The following NXPE3 variants were observed in gnomAD, a reference collection of about 807,000 sequenced individuals.
The protein encoded by NXPE3 is NXPE family member 3.
A neutral mutation model predicts 46.1 loss-of-function variants in NXPE3; 26 were observed. The ratio of observed to expected loss-of-function variants is 0.56; its 90% CI spans 0.41 to 0.78. NXPE3 has a LOEUF of 0.78. Ranked by LOEUF, NXPE3 falls within the 30% of genes least tolerant of loss-of-function variation. The probability of loss-of-function intolerance (pLI) is 0.00; values close to 1 mark genes in which losing one functional copy is unlikely to be tolerated. For synonymous variants in NXPE3, 272 were observed against 257.9 expected (o/e 1.05, Z -0.52); for missense variants, 620 against 686.0 (o/e 0.90, Z 1.07).
chr3:101,812,836 A>AGG (rs1275536538), intron 6 of NXPE3, among the ~76,000 whole-genome samples: 1 of 136,688 alleles, frequency 7.3e-6, no homozygotes, highest in Non-Finnish European at 1.7e-5. Context: ...AAAAAAAAAA[A>AGG]AAAAAAGATA....
At chr3:101,782,388 T>A (rs1346743241) in intron 2 of NXPE3, 98 bp downstream of exon 2, 1 of 152,204 alleles carries the variant, frequency 6.6e-6, no homozygotes, top group Non-Finnish European at 1.5e-5. Context: ...CTTACTTGAT[T>A]TTAAGGCTCC....
rs1379578755 is a variant in NXPE3 at position 101,822,057 on chromosome 3, T to C, written c.*103T>C. 25 of 1,033,160 alleles carry C rather than the reference T, an allele frequency of 2.4e-5. No individual in the cohort carries two copies. Among genetic ancestry groups the C allele is most frequent in the Non-Finnish European group, 3.4e-5 (24 of 707,210 alleles). The allele number at this position is 1,033,160 out of a possible 1,614,324, so 64.0% of individuals were successfully genotyped here. A position where few individuals can be genotyped will look rare whatever the true frequency, so the allele number is the denominator to read the frequency against. On this transcript the variant is annotated 3_prime_UTR_variant, in exon 8 of 8. Transcript: ENST00000273347. ...GAGAGATGACTGCCCTTAATAAGTA[T>C]AAAATTTCAAAAAGATCTGGACTTA... is the stretch of plus-strand genomic sequence containing the variant.
At chr3:101,813,853 C>T (rs1941837206) in intron 6 of NXPE3, among the ~76,000 whole-genome samples, 1 of 152,180 alleles carries the variant, frequency 6.6e-6, no homozygotes, top group Non-Finnish European at 1.5e-5. Context: ...TAAACAGCCA[C>T]AGACTTCTTA....
At chr3:101,814,972 A>G (rs1413653849) in intron 6 of NXPE3, among the ~76,000 whole-genome samples, 1 of 152,186 alleles carries the variant, frequency 6.6e-6, no homozygotes, top group Non-Finnish European at 1.5e-5. Flanking sequence ...AGGTAGGGAT[A>G]GTGATAGGAC....
rs983065439 is a variant in NXPE3, at chr3:101,824,847, G to C, written c.*2893G>C. ...GAATTTTAAAAAGAAAGCGGGCATT[G>C]CTCCTCCAGTGGTTTGGAATGATGC... is the stretch of plus-strand genomic sequence containing the variant. On this transcript the variant is annotated 3_prime_UTR_variant, in exon 8 of 8. Transcript: ENST00000273347. 1 of 152,146 alleles carries C rather than the reference G, an allele frequency of 6.6e-6. No homozygotes were observed. The highest frequency in any genetic ancestry group is 2.1e-4 in the South Asian group (1 of 4,826). The allele number at this position is 152,146 out of a possible 1,614,324, so 9.4% of individuals were successfully genotyped here. A position where few individuals can be genotyped will look rare whatever the true frequency, so the allele number is the denominator to read the frequency against.
intron 6 of NXPE3, among the ~76,000 whole-genome samples, chr3:101,814,873 T>G (rs901347197): frequency 6.6e-6 from 1 of 152,218 alleles, no homozygotes; most frequent in Admixed American, 6.5e-5. Context: ...GATCATGGGC[T>G]TTGGGCTCAC....
At position 101,823,400 on chromosome 3, in the gene NXPE3, T is replaced by C. The variant is rs1055386546; in HGVS notation, c.*1446T>C. 1.3e-5 allele frequency: 2 copies of C among 152,170 alleles called. No homozygotes were observed. Among genetic ancestry groups the C allele is most frequent in the South Asian group, 2.1e-4 (1 of 4,836 alleles). 9.4% of individuals were successfully genotyped at this position (152,170 alleles called of 1,614,324 possible). A position where few individuals can be genotyped will look rare whatever the true frequency, so the allele number is the denominator to read the frequency against. ...CTGAGCCTAATGAGGTAATAAAATATATTAAAATAGTTTAATTTTAATGGT... is the reference window on the plus strand; with the variant it reads ...CTGAGCCTAATGAGGTAATAAAATACATTAAAATAGTTTAATTTTAATGGT... On this transcript the variant is annotated 3_prime_UTR_variant, in exon 8 of 8. Coordinates refer to ENST00000273347, the MANE Select transcript of NXPE3 (RefSeq NM_145037.4).
chr3:101,779,836 CGCTGCTGT>C (rs1939712003), intron 1 of NXPE3: 1 of 152,502 alleles, frequency 6.6e-6, no homozygotes, highest in South Asian at 2.1e-4. Context: ...TCTTGGCTGG[CGCTGCTGT>C]CACACGGTGG....
Position 101,826,128 on chromosome 3 carries a change from T to G in NXPE3, c.*4174T>G, listed in dbSNP as rs578050391. On this transcript the variant is annotated 3_prime_UTR_variant, in exon 8 of 8. Transcript: ENST00000273347. The stretch of plus-strand genomic sequence containing the variant: ...TTTAATAACTGAATCCAGTTTCACA[T>G]TTATCAATCTGAAAACTTAGTTTGC... 1.3e-5 allele frequency: 2 copies of G among 152,314 alleles called. No homozygotes were observed. Among genetic ancestry groups the G allele is most frequent in the South Asian group, 4.1e-4 (2 of 4,834 alleles). The allele number at this position is 152,314 out of a possible 1,614,324, so 9.4% of individuals were successfully genotyped here. A position where few individuals can be genotyped will look rare whatever the true frequency, so the allele number is the denominator to read the frequency against.
intron 4 of NXPE3, among the ~76,000 whole-genome samples, chr3:101,798,906 C>T (rs1940992524): frequency 6.6e-6 from 1 of 152,056 alleles, no homozygotes; most frequent in African/African-American, 2.4e-5. Flanking sequence ...AGGCGTGAGC[C>T]ACTGTGCCCA....
chr3:101,787,305 TTTTG>T (rs956813370), intron 4 of NXPE3, among the ~76,000 whole-genome samples: 8 of 152,254 alleles, frequency 5.3e-5, no homozygotes, highest in East Asian at 1.9e-4. Flanking sequence ...TTTGTCCTTT[TTTTG>T]TTTGTTTGTT....
At chr3:101,781,068 T>C (rs541365745) in intron 1 of NXPE3, among the ~76,000 whole-genome samples, 1 of 152,354 alleles carries the variant, frequency 6.6e-6, no homozygotes, top group Admixed American at 6.5e-5. Context: ...AGCTACTCTT[T>C]GCAAAGTTTG....
intron 6 of NXPE3, among the ~76,000 whole-genome samples, chr3:101,807,795 C>T (rs540359007): frequency 1.3e-5 from 2 of 152,222 alleles, no homozygotes; most frequent in Middle Eastern, 6.8e-3. Context: ...TTTAATCACA[C>T]ATGCCCAATA....
chr3:101,781,215 C>T (rs1939806514), intron 1 of NXPE3, among the ~76,000 whole-genome samples: 1 of 152,162 alleles, frequency 6.6e-6, no homozygotes, highest in South Asian at 2.1e-4. Context: ...ATTTGGCCAA[C>T]AGGTCAGAGT....
At chr3:101,817,569 T>C (rs932727078) in intron 7 of NXPE3, among the ~76,000 whole-genome samples, 1 of 152,172 alleles carries the variant, frequency 6.6e-6, no homozygotes, top group African/African-American at 2.4e-5. Flanking sequence ...AGTTCCAGCA[T>C]TCTTAGCTTC....
intron 4 of NXPE3, among the ~76,000 whole-genome samples, chr3:101,788,555 A>G (rs1189889114): frequency 6.6e-6 from 1 of 152,222 alleles, no homozygotes; most frequent in African/African-American, 2.4e-5. Flanking sequence ...CTTTAAAAAA[A>G]TTGTGATGAA....
chr3:101,822,323 G>GC lies in NXPE3; in HGVS notation c.*369_*370insC. The GC allele has an allele frequency of 5.1e-6, 1 of 196,594 alleles. No individual in the cohort carries two copies. Among genetic ancestry groups the GC allele is most frequent in the Non-Finnish European group, 1.1e-5 (1 of 93,706 alleles). 12.2% of individuals were successfully genotyped at this position (196,594 alleles called of 1,614,324 possible). ...AGGGACAAGTTTGGTTGGTAGTAGA[G>GC]TGTTTGTAGCTTATCTGGTAAAGGA... On this transcript the variant is annotated 3_prime_UTR_variant, in exon 8 of 8. Transcript: ENST00000273347.
chr3:101,785,791 C>T (rs1484566627), intron 4 of NXPE3, 102 bp downstream of exon 4: 28 of 862,822 alleles, frequency 3.2e-5, no homozygotes. Context: ...TTATCGTAGT[C>T]ACAGTTCTTG....
In NXPE3 at chr3:101,822,061, A is replaced by G. The variant is rs1942283926; in HGVS notation, c.*107A>G. ...GATGACTGCCCTTAATAAGTATAAA[A>G]TTTCAAAAAGATCTGGACTTAATAT... On this transcript the variant is annotated 3_prime_UTR_variant, in exon 8 of 8. Coordinates refer to ENST00000273347, the MANE Select transcript of NXPE3 (RefSeq NM_145037.4). 1 of 997,552 alleles carries G rather than the reference A, an allele frequency of 1.0e-6. No homozygotes were observed. The highest frequency in any genetic ancestry group is 1.5e-6 in the Non-Finnish European group (1 of 676,862). 61.8% of individuals were successfully genotyped at this position (997,552 alleles called of 1,614,324 possible).
Sources: gnomAD v4.1 joint callset for allele counts (sites outside exome capture counted in the v4.1 genomes callset) on GRCh38, gnomAD v4.1.1 for gene constraint, MANE v1.5 for transcripts, NCBI Gene and HGNC (gene_info 2026-07-23, HGNC 2026-07-21) for gene names.